The following ZPBP variants were observed in gnomAD, a reference collection of about 807,000 sequenced individuals.
ZPBP encodes zona pellucida-binding protein 1.
ZPBP carries 26 observed loss-of-function variants against 44.8 expected under a neutral mutation model. The ratio of observed to expected loss-of-function variants is 0.58; its 90% CI spans 0.43 to 0.81. The LOEUF is 0.81. Ranked by LOEUF, ZPBP falls within the 30% of genes least tolerant of loss-of-function variation. The pLI is 0.00. For missense variants in ZPBP, 409 were observed against 434.0 expected, an observed-to-expected ratio of 0.94 and a Z score of 0.51; for synonymous variants, 174 against 153.2, an observed-to-expected ratio of 1.14 and a Z score of -1.00.
At chr7:50,059,752 T>A (rs1801154424) in intron 3 of ZPBP, among the ~76,000 whole-genome samples, 3 of 152,288 alleles carry the variant, frequency 2.0e-5, no homozygotes, top group Non-Finnish European at 4.4e-5. Context: ...TATACCTAAA[T>A]GCCTACTACA....
intron 2 of ZPBP, among the ~76,000 whole-genome samples, chr7:49,892,169 C>G (rs1033995164): frequency 1.3e-5 from 2 of 149,908 alleles, no homozygotes; most frequent in African/African-American, 2.5e-5. Context: ...CTCAGCCTCC[C>G]GAGTAGCTGG....
intron 3 of ZPBP, among the ~76,000 whole-genome samples, chr7:50,079,567 CAT>C (rs1802264031): frequency 6.6e-6 from 1 of 151,492 alleles, no homozygotes. Flanking sequence ...GGGTTGGAGA[CAT>C]GTGGTTCTTG....
At chr7:49,934,465 A>C (rs1438659030), downstream of ZPBP, among the ~76,000 whole-genome samples, 1 of 151,962 alleles carries the variant, frequency 6.6e-6, no homozygotes, top group African/African-American at 2.4e-5. Context: ...AAAAACTCAC[A>C]CATGATCCCA....
At chr7:50,021,742 C>T (rs570841513) in intron 5 of ZPBP, among the ~76,000 whole-genome samples, 2 of 152,192 alleles carry the variant, frequency 1.3e-5, no homozygotes, top group East Asian at 3.9e-4. Context: ...AAGACAGAAG[C>T]TTCTAGGTTG....
At chr7:49,980,262 A>T (rs1187144775) in intron 7 of ZPBP, among the ~76,000 whole-genome samples, 1 of 121,846 alleles carries the variant, frequency 8.2e-6, no homozygotes, top group Non-Finnish European at 1.6e-5. Flanking sequence ...TAATACATAT[A>T]ATATAAATAT....
At chr7:49,853,348 A>C (rs1458048412) in intron 2 of ZPBP, among the ~76,000 whole-genome samples, 1 of 152,216 alleles carries the variant, frequency 6.6e-6, no homozygotes, top group South Asian at 2.1e-4. Flanking sequence ...CCCCAGGCCC[A>C]GGAAGTCATG....
intron 7 of ZPBP, among the ~76,000 whole-genome samples, chr7:49,981,085 T>C (rs933435071): frequency 6.7e-6 from 1 of 148,236 alleles, no homozygotes; most frequent in African/African-American, 2.5e-5. Context: ...AACAAAGAAA[T>C]AACTGCCAAC....
intron 6 of ZPBP, among the ~76,000 whole-genome samples, chr7:49,990,280 G>A (rs542444367): frequency 5.8e-4 from 89 of 152,304 alleles, no homozygotes; most frequent in Middle Eastern, 3.4e-3. Context: ...GGGATAGGGC[G>A]TATGTGGGTA....
chr7:49,852,775 C>T (rs1183299723), intron 2 of ZPBP, among the ~76,000 whole-genome samples: 1 of 152,152 alleles, frequency 6.6e-6, no homozygotes, highest in Non-Finnish European at 1.5e-5. Context: ...CTGGTTCCTC[C>T]CTCTGCTCTC....
chr7:49,995,021 T>C (rs559863707), intron 6 of ZPBP, among the ~76,000 whole-genome samples: 63 of 152,298 alleles, frequency 4.1e-4, no homozygotes, highest in African/African-American at 1.2e-3. Flanking sequence ...ACCCTATAAG[T>C]GTTATCTCAA....
At chr7:49,975,584 C>T (rs904464411) in intron 7 of ZPBP, among the ~76,000 whole-genome samples, 2 of 152,186 alleles carry the variant, frequency 1.3e-5, no homozygotes, top group Non-Finnish European at 2.9e-5. Flanking sequence ...TCTTTCACTT[C>T]TACATTGAAC....
At chr7:49,865,619 A>AT (rs1790852613) in intron 2 of ZPBP, among the ~76,000 whole-genome samples, 1 of 152,178 alleles carries the variant, frequency 6.6e-6, no homozygotes, top group Non-Finnish European at 1.5e-5. Flanking sequence ...ATATGCAAGT[A>AT]TTTTTGAGAC....
intron 2 of ZPBP, among the ~76,000 whole-genome samples, chr7:49,875,891 C>T (rs1221398576): frequency 1.3e-5 from 2 of 152,154 alleles, no homozygotes; most frequent in African/African-American, 4.8e-5. Context: ...CACTTTGTCC[C>T]TGGCATCGAC....
At chr7:49,921,387 C>A (rs1031700290) in intron 1 of ZPBP, 2 of 152,206 alleles carry the variant, frequency 1.3e-5, no homozygotes, top group African/African-American at 4.8e-5. Flanking sequence ...ACATTTATAT[C>A]ATAAGTATTC....
intron 2 of ZPBP, among the ~76,000 whole-genome samples, chr7:49,864,437 T>A (rs969255398): frequency 2.0e-5 from 3 of 152,300 alleles, no homozygotes; most frequent in African/African-American, 7.2e-5. Flanking sequence ...CTTGGGCAAG[T>A]GCATGGTGTT....
chr7:50,018,187 G>C, intron 6 of ZPBP, 53 bp downstream of exon 6: 1 of 1,309,332 alleles, frequency 7.6e-7, no homozygotes, highest in African/African-American at 1.5e-5. Context: ...ACTTACACAT[G>C]GGGCATGTTC....
chr7:50,055,501 A>G (rs527628835), intron 4 of ZPBP, among the ~76,000 whole-genome samples: 11 of 152,182 alleles, frequency 7.2e-5, no homozygotes, highest in Non-Finnish European at 1.3e-4. Context: ...CTCTAGGACC[A>G]GAATTCCTAA....
intron 6 of ZPBP, among the ~76,000 whole-genome samples, chr7:50,004,870 C>A (rs1798236245): frequency 6.6e-6 from 1 of 151,844 alleles, no homozygotes; most frequent in Non-Finnish European, 1.5e-5. Flanking sequence ...GGGAAAAGGG[C>A]AGAGAGTTTA....
chr7:50,081,818 T>C lies in ZPBP; in HGVS notation c.290A>G (p.Asp97Gly). 6.2e-7 allele frequency: 1 copy of C among 1,611,646 alleles called. No homozygotes were observed. The highest frequency in any genetic ancestry group is 1.3e-5 in the African/African-American group (1 of 74,924). Residue 97 changes from aspartate (D) to glycine (G), a missense_variant, in exon 3 of 8, where the codon GAC becomes GGC. Physicochemically the swap from Asp to Gly is moderately conservative, Grantham distance 94. Transcript: ENST00000046087. ...TQQLRNAELI[D>G]PSFQWYGPKG... ...AGGCCCATACCATTGGAATGATGGG[T>C]CTATCAGTTCAGCATTTCGCAGTTG... is the stretch of plus-strand genomic sequence containing the variant.
Sources: gnomAD v4.1 joint callset for allele counts (sites outside exome capture counted in the v4.1 genomes callset) on GRCh38, gnomAD v4.1.1 for gene constraint, MANE v1.5 for transcripts, NCBI Gene and HGNC (gene_info 2026-07-23, HGNC 2026-07-21) for gene names.